The following ZNF438 variants were observed in gnomAD, a reference collection of about 807,000 sequenced individuals.
ZNF438 encodes the protein zinc finger protein 438.
ZNF438 carries 25 observed loss-of-function variants against 38.0 expected under a neutral mutation model. The observed-to-expected ratio is 0.66, with a 90% CI of 0.48 to 0.92. The LOEUF (loss-of-function observed/expected upper bound fraction) is 0.92. Among genes scored for constraint, ZNF438 ranks in the 40% least tolerant of loss-of-function variants. The pLI, the probability that ZNF438 is intolerant of heterozygous loss-of-function variation, is 0.00. For missense variants in ZNF438, 1,007 were observed against 999.6 expected, an observed-to-expected ratio of 1.01 and a Z score of -0.10; for synonymous variants, 372 against 364.1, an observed-to-expected ratio of 1.02 and a Z score of -0.25.
intron 2 of ZNF438, among the ~76,000 whole-genome samples, chr10:30,936,139 T>C (rs188137220): frequency 6.6e-6 from 1 of 152,270 alleles, no homozygotes; most frequent in Admixed American, 6.5e-5. Context: ...TCAAATCCAG[T>C]TTCTATTGCC....
chr10:31,030,717 C>T (rs1435478140), intron 1 of ZNF438, among the ~76,000 whole-genome samples: 1 of 152,228 alleles, frequency 6.6e-6, no homozygotes, highest in Non-Finnish European at 1.5e-5. Context: ...AACTCTCGAG[C>T]TCCTGTATAA....
chr10:30,846,380 G>A (rs532035658), intron 5 of ZNF438, among the ~76,000 whole-genome samples: 1 of 152,352 alleles, frequency 6.6e-6, no homozygotes, highest in Non-Finnish European at 1.5e-5. Context: ...CTTGCCTGCT[G>A]TTGCTGCTGG....
intron 1 of ZNF438, among the ~76,000 whole-genome samples, chr10:30,962,940 T>C (rs1589446055): frequency 6.6e-6 from 1 of 152,310 alleles, no homozygotes; most frequent in Admixed American, 6.5e-5. Flanking sequence ...ATAATACAAG[T>C]AGATGTTTGA....
chr10:30,902,455 A>G (rs1260656544), intron 3 of ZNF438, among the ~76,000 whole-genome samples: 12 of 151,886 alleles, frequency 7.9e-5, no homozygotes, highest in Admixed American at 7.9e-4. Flanking sequence ...CAATCCCTTA[A>G]CTAGACATAA....
At chr10:30,988,453 G>A (rs1277493704) in intron 1 of ZNF438, among the ~76,000 whole-genome samples, 5 of 151,796 alleles carry the variant, frequency 3.3e-5, no homozygotes, top group African/African-American at 1.2e-4. Context: ...GAGCTCCTTA[G>A]TACTTTCTAA....
intron 1 of ZNF438, among the ~76,000 whole-genome samples, chr10:31,024,292 A>G (rs2056796899): frequency 6.6e-6 from 1 of 152,168 alleles, no homozygotes; most frequent in African/African-American, 2.4e-5. Context: ...AGTATTGTCA[A>G]GAAGATTAAA....
intron 1 of ZNF438, among the ~76,000 whole-genome samples, chr10:30,973,051 CATT>C (rs1491000998): frequency 2.6e-5 from 4 of 152,072 alleles, no homozygotes; most frequent in African/African-American, 7.2e-5. Flanking sequence ...GCTATGGACT[CATT>C]AATATAAAGC....
chr10:31,010,721 A>T (rs1267266460), intron 1 of ZNF438, among the ~76,000 whole-genome samples: 3 of 151,882 alleles, frequency 2.0e-5, no homozygotes, highest in African/African-American at 7.3e-5. Flanking sequence ...ACCCTGCTCC[A>T]GAAAAAAAAA....
intron 2 of ZNF438, among the ~76,000 whole-genome samples, chr10:30,937,224 A>C (rs1321873752): frequency 6.6e-6 from 1 of 152,200 alleles, no homozygotes; most frequent in Non-Finnish European, 1.5e-5. Context: ...GAGAAGCATA[A>C]ATTCAGAGTA....
At chr10:30,860,995 G>A (rs756590129) in intron 4 of ZNF438, among the ~76,000 whole-genome samples, 1 of 152,164 alleles carries the variant, frequency 6.6e-6, no homozygotes, top group Non-Finnish European at 1.5e-5. Flanking sequence ...TTTTAAGACA[G>A]CCTGAGTACA....
chr10:31,008,680 T>C (rs2055378537), intron 1 of ZNF438, among the ~76,000 whole-genome samples: 1 of 152,254 alleles, frequency 6.6e-6, no homozygotes, highest in South Asian at 2.1e-4. Flanking sequence ...ATTCATCAGC[T>C]GATAGATATC....
In ZNF438 at chr10:30,928,889, A is replaced by G. The variant is rs2045289282; in HGVS notation, c.-115+12686T>C. Among the ~76,000 whole-genome samples, 3 of 152,144 alleles carry G rather than the reference A, an allele frequency of 2.0e-5. No homozygotes were observed. The South Asian group carries it at 6.2e-4, about 32-fold the overall frequency. ...CAGCTGAACATCTGTTTTTAGCACC[A>G]TGCCTCCCTTCCTCCTTCAACCTCC... On this transcript the variant is annotated intron_variant, in intron 2 of 5. Coordinates refer to ENST00000413025, the Ensembl canonical transcript of ZNF438.
chr10:30,948,726 G>A (rs1216410440), intron 1 of ZNF438, among the ~76,000 whole-genome samples: 1 of 151,570 alleles, frequency 6.6e-6, no homozygotes, highest in Non-Finnish European at 1.5e-5. Context: ...AATGAGCAAA[G>A]CCTCCAAGAA....
chr10:30,947,157 T>C (rs193286524), intron 1 of ZNF438, among the ~76,000 whole-genome samples: 218 of 152,332 alleles, frequency 1.4e-3, no homozygotes, highest in African/African-American at 5.1e-3. Flanking sequence ...AGAAATGTGA[T>C]TACAGCTGTC....
At chr10:31,027,721 G>C (rs1225118323) in intron 1 of ZNF438, among the ~76,000 whole-genome samples, 1 of 152,118 alleles carries the variant, frequency 6.6e-6, no homozygotes, top group Non-Finnish European at 1.5e-5. Flanking sequence ...GAAGCTACAA[G>C]AGCAGATTTA....
intron 2 of ZNF438, among the ~76,000 whole-genome samples, chr10:30,912,566 G>A (rs1030370319): frequency 1.3e-5 from 2 of 151,988 alleles, no homozygotes; most frequent in Non-Finnish European, 2.9e-5. Flanking sequence ...CCCCTTCTAT[G>A]AGCTCCACAC....
intron 4 of ZNF438, among the ~76,000 whole-genome samples, chr10:30,875,171 C>G (rs1224097539): frequency 2.0e-5 from 3 of 152,008 alleles, no homozygotes; most frequent in Non-Finnish European, 4.4e-5. Flanking sequence ...ACTTTCCGGT[C>G]AATGGAAGTA....
chr10:30,894,865 C>G (rs2041134409), intron 3 of ZNF438, among the ~76,000 whole-genome samples: 1 of 152,142 alleles, frequency 6.6e-6, no homozygotes. Context: ...TCTATAACTA[C>G]TAATTGGTAT....
chr10:30,931,305 T>C (rs1430900858), intron 2 of ZNF438, among the ~76,000 whole-genome samples: 1 of 152,220 alleles, frequency 6.6e-6, no homozygotes, highest in Non-Finnish European at 1.5e-5. Flanking sequence ...ATTTGAGTTT[T>C]TGGCTGAAAC....
Sources: gnomAD v4.1 joint callset for allele counts (sites outside exome capture counted in the v4.1 genomes callset) on GRCh38, gnomAD v4.1.1 for gene constraint, MANE v1.5 for transcripts, NCBI Gene and HGNC (gene_info 2026-07-23, HGNC 2026-07-21) for gene names.